RGS7: variants seen among roughly 807,000 people sequenced by gnomAD.
The protein encoded by RGS7 is regulator of G-protein signaling 7.
A neutral mutation model predicts 81.1 loss-of-function variants in RGS7; 27 were observed. The ratio of observed to expected loss-of-function variants is 0.33; its 90% CI spans 0.25 to 0.46. The LOEUF (loss-of-function observed/expected upper bound fraction) is 0.46. Ranked by LOEUF, RGS7 falls within the 20% of genes least tolerant of loss-of-function variation. The pLI is 1.00. For synonymous variants in RGS7, 208 were observed against 207.7 expected (o/e 1.00, Z -0.01); for missense variants, 396 against 607.4 (o/e 0.65, Z 3.66).
chr1:241,220,456 C>T (rs970468243), intron 2 of RGS7, among the ~76,000 whole-genome samples: 3 of 152,070 alleles, frequency 2.0e-5, no homozygotes, highest in South Asian at 2.1e-4. Flanking sequence ...GTAGAGCCAG[C>T]GTTAAGAACT....
intron 6 of RGS7, among the ~76,000 whole-genome samples, chr1:240,904,015 A>C (rs1376035970): frequency 6.6e-6 from 1 of 152,178 alleles, no homozygotes; most frequent in African/African-American, 2.4e-5. Flanking sequence ...AGAGTCCGCT[A>C]TTCCTTCCTA....
chr1:241,105,773 G>A (rs2065056194), intron 2 of RGS7, among the ~76,000 whole-genome samples: 2 of 152,140 alleles, frequency 1.3e-5, no homozygotes, highest in South Asian at 4.1e-4. Context: ...AAAACGTTTT[G>A]TACTCTGTAA....
intron 2 of RGS7, among the ~76,000 whole-genome samples, chr1:241,166,471 GAA>G (rs1399615919): frequency 6.6e-6 from 1 of 152,230 alleles, no homozygotes; most frequent in African/African-American, 2.4e-5. Context: ...TGAGAATGGG[GAA>G]AAGTTTATGA....
chr1:241,242,103 C>T (rs1370437288), intron 2 of RGS7, among the ~76,000 whole-genome samples: 1 of 151,930 alleles, frequency 6.6e-6, no homozygotes, highest in Non-Finnish European at 1.5e-5. Flanking sequence ...CCCTACTGCC[C>T]CCCACCCTTT....
At chr1:241,017,104 A>G (rs1198716077) in intron 3 of RGS7, among the ~76,000 whole-genome samples, 1 of 152,164 alleles carries the variant, frequency 6.6e-6, no homozygotes, top group Non-Finnish European at 1.5e-5. Flanking sequence ...GGTACCTAAT[A>G]ACAAAGACTT....
intron 4 of RGS7, among the ~76,000 whole-genome samples, chr1:240,971,027 C>G (rs1683125792): frequency 6.6e-6 from 1 of 152,088 alleles, no homozygotes; most frequent in Non-Finnish European, 1.5e-5. Flanking sequence ...GTACAAGATA[C>G]CATAATTTTG....
In RGS7 at chr1:241,221,039, A is replaced by AAGGAAGGAAGGAAAAG. The variant is rs1553289605; in HGVS notation, c.79-122278_79-122277insCTTTTCCTTCCTTCCT. On this transcript the variant is annotated intron_variant, in intron 2 of 18. Transcript: ENST00000440928. The stretch of plus-strand genomic sequence containing the variant: ...GAAGGAAGGAAGGAAGGAAGGAAGG[A>AAGGAAGGAAGGAAAAG]AAAGAAAGAAAGAAAGAAAGAGAGA... Among the ~76,000 whole-genome samples the AAGGAAGGAAGGAAAAG allele has an allele frequency of 1.1e-3, 100 of 92,790 alleles. 2 individuals carry two copies. The highest frequency in any genetic ancestry group is 3.7e-3 in the African/African-American group (93 of 25,312). 60.9% of individuals were successfully genotyped at this position (92,790 alleles called of 152,430 possible). A position where few individuals can be genotyped will look rare whatever the true frequency, so the allele number is the denominator to read the frequency against.
chr1:241,124,367 CTGGG>C (rs545991872), intron 2 of RGS7, among the ~76,000 whole-genome samples: 57 of 152,144 alleles, frequency 3.7e-4, no homozygotes, highest in African/African-American at 1.3e-3. Flanking sequence ...GCACTCCAGC[CTGGG>C]TGACAGAGAG....
At chr1:240,958,553 C>T (rs1258839165) in intron 4 of RGS7, among the ~76,000 whole-genome samples, 1 of 152,132 alleles carries the variant, frequency 6.6e-6, no homozygotes, top group Non-Finnish European at 1.5e-5. Flanking sequence ...CAACTCACTC[C>T]TTAGTGATGC....
intron 2 of RGS7, among the ~76,000 whole-genome samples, chr1:241,142,123 T>C (rs1194091626): frequency 2.0e-5 from 3 of 152,208 alleles, no homozygotes; most frequent in Non-Finnish European, 4.4e-5. Context: ...TGGGTCCCCA[T>C]GGTCTTGGGC....
intron 3 of RGS7, among the ~76,000 whole-genome samples, chr1:241,078,508 C>A (rs998106810): frequency 1.7e-4 from 16 of 96,134 alleles, no homozygotes; most frequent in African/African-American, 8.8e-4. Flanking sequence ...TGTGTATATA[C>A]ACATACATAT....
chr1:240,875,067 A>C (rs1290467112), intron 6 of RGS7, among the ~76,000 whole-genome samples: 2 of 152,004 alleles, frequency 1.3e-5, no homozygotes, highest in African/African-American at 2.4e-5. Context: ...AAAACAAAAA[A>C]CAAAAAACTA....
At chr1:241,055,505 G>C (rs1278479019) in intron 3 of RGS7, among the ~76,000 whole-genome samples, 1 of 152,072 alleles carries the variant, frequency 6.6e-6, no homozygotes, top group Non-Finnish European at 1.5e-5. Flanking sequence ...AGAATTCAGG[G>C]AAACACTTTC....
chr1:240,871,904 T>C (rs1239544818), intron 6 of RGS7, among the ~76,000 whole-genome samples: 1 of 152,216 alleles, frequency 6.6e-6, no homozygotes, highest in African/African-American at 2.4e-5. Flanking sequence ...TGTGTCCTCC[T>C]GCATCAGCTT....
chr1:241,045,008 G>A (rs1282410497), intron 3 of RGS7, among the ~76,000 whole-genome samples: 1 of 152,062 alleles, frequency 6.6e-6, no homozygotes, highest in Admixed American at 6.6e-5. Context: ...TGTACTTCGA[G>A]TTTCTAAAGA....
intron 14 of RGS7, among the ~76,000 whole-genome samples, chr1:240,810,038 T>A (rs920452879): frequency 6.6e-6 from 1 of 152,184 alleles, no homozygotes; most frequent in Non-Finnish European, 1.5e-5. Flanking sequence ...ATGCACATGC[T>A]ATCCTCTTTT....
At chr1:240,840,484 A>C (rs1200486381) in intron 9 of RGS7, among the ~76,000 whole-genome samples, 1 of 152,178 alleles carries the variant, frequency 6.6e-6, no homozygotes, top group Non-Finnish European at 1.5e-5. Flanking sequence ...CATGTTGGCC[A>C]GGCTGGTCTT....
intron 2 of RGS7, among the ~76,000 whole-genome samples, chr1:241,177,565 T>C (rs946099778): frequency 2.6e-5 from 4 of 152,128 alleles, no homozygotes; most frequent in Non-Finnish European, 5.9e-5. Flanking sequence ...AGTATTAAAA[T>C]AGGACTGTGC....
At chr1:240,826,146 G>A (rs540247909) in intron 10 of RGS7, among the ~76,000 whole-genome samples, 4 of 152,282 alleles carry the variant, frequency 2.6e-5, no homozygotes, top group Non-Finnish European at 4.4e-5. Flanking sequence ...GTCTGGCTTC[G>A]CCTCTCTCTT....
Sources: allele counts gnomAD v4.1 joint callset (sites outside exome capture counted in the v4.1 genomes callset), GRCh38; gene constraint gnomAD v4.1.1; transcripts MANE v1.5; gene names NCBI Gene and HGNC (gene_info 2026-07-23, HGNC 2026-07-21).